Variants in SNX25 observed in about 807,000 individuals in gnomAD.
SNX25 encodes the protein sorting nexin 25.
In SNX25, 62 loss-of-function variants were observed where a neutral mutation model predicts 113.7. The observed-to-expected ratio is 0.55, with a 90% confidence interval of 0.44 to 0.67. The LOEUF (loss-of-function observed/expected upper bound fraction) is 0.67. Ranked by LOEUF, SNX25 falls within the 30% of genes least tolerant of loss-of-function variation. The pLI, the probability that SNX25 is intolerant of heterozygous loss-of-function variation, is 0.00. For synonymous variants in SNX25, 421 were observed against 436.2 expected (o/e 0.97, Z 0.43); for missense variants, 1,014 against 1,161.0 (o/e 0.87, Z 1.84).
intron 1 of SNX25, among the ~76,000 whole-genome samples, chr4:185,234,401 G>A (rs75252342): frequency 0.15 from 3,978 of 26,126 alleles, 1,382 homozygotes; most frequent in African/African-American, 0.35. Flanking sequence ...AGTTTAGGCT[G>A]GCCGGGCGCG....
chr4:185,338,276 G>GT lies in SNX25; in HGVS notation c.1915-1102dup, dbSNP rs550870942. 9.5e-3 allele frequency among the ~76,000 whole-genome samples: 1,340 copies of GT among 140,350 alleles called. 49 individuals are homozygous for GT. The highest frequency in any genetic ancestry group is 0.031 in the African/African-American group (1,113 of 35,550). The allele number at this position is 140,350 out of a possible 152,430, so 92.1% of individuals were successfully genotyped here. The stretch of plus-strand genomic sequence containing the variant: ...ATGAAACTTTCCCTCTATATTCTGT[G>GT]TGTTTTTTTTTTTTTTTGAGACGGA... On this transcript the variant is annotated intron_variant, in intron 10 of 18. Transcript: ENST00000652585.
intron 12 of SNX25, among the ~76,000 whole-genome samples, chr4:185,346,248 T>G (rs531702293): frequency 6.6e-6 from 1 of 152,354 alleles, no homozygotes; most frequent in Admixed American, 6.5e-5. Context: ...AGGTTTCCAT[T>G]TGTCACATCA....
At chr4:185,337,493 C>T (rs867963538) in intron 10 of SNX25, among the ~76,000 whole-genome samples, 1 of 151,894 alleles carries the variant, frequency 6.6e-6, no homozygotes, top group African/African-American at 2.4e-5. Flanking sequence ...ACTATTTATC[C>T]AGCAATAGAC....
intron 8 of SNX25, among the ~76,000 whole-genome samples, chr4:185,322,612 C>G (rs1350205992): frequency 6.6e-6 from 1 of 152,170 alleles, no homozygotes; most frequent in Non-Finnish European, 1.5e-5. Context: ...CCCAAATTAC[C>G]TAATTTTATC....
chr4:185,333,684 T>C (rs768495566), intron 10 of SNX25, among the ~76,000 whole-genome samples: 4 of 152,046 alleles, frequency 2.6e-5, no homozygotes, highest in Non-Finnish European at 5.9e-5. Flanking sequence ...AAAGGTGTGT[T>C]GTCTTGGTTA....
At chr4:185,240,552 G>A (rs1743664980) in intron 1 of SNX25, among the ~76,000 whole-genome samples, 1 of 150,784 alleles carries the variant, frequency 6.6e-6, no homozygotes, top group South Asian at 2.1e-4. Context: ...CCTGGACAGG[G>A]CGGCTGGCCG....
At chr4:185,224,242 C>T (rs1740471879) in intron 1 of SNX25, among the ~76,000 whole-genome samples, 1 of 151,648 alleles carries the variant, frequency 6.6e-6, no homozygotes, top group Non-Finnish European at 1.5e-5. Context: ...ATCCCAGCTA[C>T]TCGGGAGGCG....
At chr4:185,311,031 A>ATGTG (rs1357420328) in intron 7 of SNX25, among the ~76,000 whole-genome samples, 29 of 152,018 alleles carry the variant, frequency 1.9e-4, no homozygotes, top group African/African-American at 7.0e-4. Context: ...GGGTGTGTGC[A>ATGTG]TGTGTGTGTG....
At chr4:185,273,911 C>G (rs891705406) in intron 5 of SNX25, among the ~76,000 whole-genome samples, 1 of 152,116 alleles carries the variant, frequency 6.6e-6, no homozygotes, top group Non-Finnish European at 1.5e-5. Flanking sequence ...TCTCAAGGAG[C>G]CAGACTCCTT....
intron 16 of SNX25, 73 bp downstream of exon 16, chr4:185,357,810 C>T: frequency 8.2e-7 from 1 of 1,215,200 alleles, no homozygotes; most frequent in Non-Finnish European, 1.2e-6. Context: ...ACCTTATGAT[C>T]TAGCAGCCAG....
chr4:185,253,577 C>T (rs570933728), intron 2 of SNX25, among the ~76,000 whole-genome samples: 3 of 151,902 alleles, frequency 2.0e-5, no homozygotes, highest in Non-Finnish European at 4.4e-5. Context: ...AAGTGATTCT[C>T]GTGCCTCAGC....
intron 1 of SNX25, among the ~76,000 whole-genome samples, chr4:185,225,987 A>T (rs140800833): frequency 6.0e-4 from 91 of 152,330 alleles, no homozygotes; most frequent in Middle Eastern, 3.4e-3. Flanking sequence ...TGATTCTAGG[A>T]TCTGCTTAGG....
At chr4:185,286,898 T>C (rs778158037) in intron 5 of SNX25, among the ~76,000 whole-genome samples, 34 of 152,340 alleles carry the variant, frequency 2.2e-4, no homozygotes, top group Middle Eastern at 3.4e-3. Context: ...AATTTGTCTC[T>C]CCTCTGGGTT....
intron 6 of SNX25, among the ~76,000 whole-genome samples, chr4:185,298,020 G>A (rs1238094116): frequency 6.6e-6 from 1 of 151,714 alleles, no homozygotes; most frequent in African/African-American, 2.4e-5. Context: ...CCTACATGTA[G>A]CTTAACTCTG....
intron 2 of SNX25, among the ~76,000 whole-genome samples, chr4:185,250,187 G>A (rs968120965): frequency 3.3e-5 from 5 of 152,226 alleles, no homozygotes; most frequent in Middle Eastern, 3.2e-3. Context: ...TTCACCTAAA[G>A]TGAGTCCCTC....
At chr4:185,283,449 A>C (rs1750927541) in intron 5 of SNX25, among the ~76,000 whole-genome samples, 2 of 152,222 alleles carry the variant, frequency 1.3e-5, no homozygotes, top group Admixed American at 6.5e-5. Flanking sequence ...GAAGGGAGTC[A>C]GGAAAGACCT....
intron 1 of SNX25, among the ~76,000 whole-genome samples, chr4:185,231,079 A>G (rs961400011): frequency 1.3e-5 from 2 of 148,214 alleles, no homozygotes; most frequent in African/African-American, 2.5e-5. Context: ...TCTTAATAAC[A>G]TGTTTCTTTT....
rs181682931 is a variant in SNX25, at chr4:185,318,909, G to T, written c.1345-1824G>T. ...TCTTTCCTTTTGTTCCTCAGCAGAAGCTACAGATAGAAGGTTCAATATCTC... is the reference window on the plus strand; with the variant it reads ...TCTTTCCTTTTGTTCCTCAGCAGAATCTACAGATAGAAGGTTCAATATCTC... On this transcript the variant is annotated intron_variant, in intron 7 of 18. Transcript: ENST00000652585. 4.2e-3 allele frequency among the ~76,000 whole-genome samples: 644 copies of T among 152,212 alleles called. 1 individual carries two copies. The highest frequency in any genetic ancestry group is 6.3e-3 in the Non-Finnish European group (428 of 68,010).
chr4:185,221,564 A>G (rs1410386606), intron 1 of SNX25, among the ~76,000 whole-genome samples: 2 of 151,988 alleles, frequency 1.3e-5, no homozygotes, highest in South Asian at 2.1e-4. Flanking sequence ...CAACCTTTCA[A>G]TTGGTCTCTG....
Sources: allele counts gnomAD v4.1 joint callset (sites outside exome capture counted in the v4.1 genomes callset), GRCh38; gene constraint gnomAD v4.1.1; transcripts MANE v1.5; gene names NCBI Gene and HGNC (gene_info 2026-07-23, HGNC 2026-07-21).